Variants in EML5 observed in about 807,000 individuals in gnomAD.
EML5 encodes the protein echinoderm microtubule-associated protein-like 5.
In EML5, 120 loss-of-function variants were observed where a neutral mutation model predicts 250.0. The observed-to-expected ratio is 0.48, with a 90% CI of 0.41 to 0.56. The LOEUF is 0.56. Among genes scored for constraint, EML5 ranks in the 20% least tolerant of loss-of-function variants. The pLI, the probability that EML5 is intolerant of heterozygous loss-of-function variation, is 0.00. For synonymous variants in EML5, 771 were observed against 806.5 expected, an observed-to-expected ratio of 0.96 and a Z score of 0.75; for missense variants, 2,006 against 2,437.6, an observed-to-expected ratio of 0.82 and a Z score of 3.73.
intron 1 of EML5, among the ~76,000 whole-genome samples, chr14:88,782,253 T>C (rs188095220): frequency 6.6e-6 from 1 of 152,270 alleles, no homozygotes; most frequent in African/African-American, 2.4e-5. Flanking sequence ...GCCCTAGAGA[T>C]CTGTGGAACT....
rs768130177 is a variant in EML5 at position 88,644,527 on chromosome 14, G to T, written c.4029-16C>A. 16 of 1,612,826 alleles carry T rather than the reference G, an allele frequency of 9.9e-6. No homozygotes were observed. The highest frequency in any genetic ancestry group is 1.4e-5 in the Non-Finnish European group (16 of 1,179,200). On this transcript the variant is annotated splice_polypyrimidine_tract_variant and intron_variant, in intron 29 of 43. Transcript: ENST00000554922. ...CACTGGAGGCCTGCAACAGAGAAGT[G>T]GGGAGGAGGAAAGGCATGCAGCACT...
intron 1 of EML5, among the ~76,000 whole-genome samples, chr14:88,771,123 A>G (rs989930761): frequency 1.3e-5 from 2 of 152,204 alleles, no homozygotes; most frequent in Non-Finnish European, 2.9e-5. Context: ...GTTCCTTTAC[A>G]TTTATCTCAC....
Position 88,621,155 on chromosome 14 carries a change from A to C in EML5, c.5160T>G (p.Ala1720=), listed in dbSNP as rs2140309452. Residue 1720 remains alanine, a synonymous_variant, in exon 38 of 44, where the codon GCT becomes GCG. Transcript: ENST00000554922. Reference sequence around the variant, plus strand: ...AAAGTCTCACTGTCCCATCTTCTGCAGCAGAAAGGAAAAAATCCCTGGAAG... The same window carrying C: ...AAAGTCTCACTGTCCCATCTTCTGCCGCAGAAAGGAAAAAATCCCTGGAAG... ...THPSRDFFLS[A]AEDGTVRLWD... 1 of 1,613,930 alleles carries C rather than the reference A, an allele frequency of 6.2e-7. No individual in the cohort carries two copies. Among genetic ancestry groups the C allele is most frequent in the East Asian group, 2.2e-5 (1 of 44,876 alleles).
At chr14:88,699,069 A>G (rs1475510362) in intron 14 of EML5, among the ~76,000 whole-genome samples, 1 of 152,166 alleles carries the variant, frequency 6.6e-6, no homozygotes. Flanking sequence ...ATTGAGTACT[A>G]TTAAAGTACA....
intron 2 of EML5, among the ~76,000 whole-genome samples, chr14:88,752,804 C>A (rs2094115018): frequency 6.6e-6 from 1 of 152,080 alleles, no homozygotes; most frequent in Admixed American, 6.5e-5. Flanking sequence ...GGCGGAGGAG[C>A]AAAACAGCAC....
At chr14:88,692,367 A>G (rs1162252872) in intron 17 of EML5, among the ~76,000 whole-genome samples, 1 of 152,026 alleles carries the variant, frequency 6.6e-6, no homozygotes, top group East Asian at 1.9e-4. Flanking sequence ...ACAGAGCGAG[A>G]CTCTGTTTCA....
At chr14:88,619,588 A>C (rs1250789837) in intron 39 of EML5, 1 of 152,270 alleles carries the variant, frequency 6.6e-6, no homozygotes, top group Non-Finnish European at 1.5e-5. Flanking sequence ...TCCATCTGGA[A>C]AAAACGTTGT....
At chr14:88,654,460 G>C (rs1273244733) in intron 27 of EML5, among the ~76,000 whole-genome samples, 2 of 152,194 alleles carry the variant, frequency 1.3e-5, no homozygotes, top group Non-Finnish European at 2.9e-5. Context: ...CTGTGTCCCA[G>C]AGATTCTGGT....
intron 8 of EML5, among the ~76,000 whole-genome samples, chr14:88,725,871 T>C (rs1045573024): frequency 6.6e-6 from 1 of 152,140 alleles, no homozygotes; most frequent in African/African-American, 2.4e-5. Flanking sequence ...AACTCTTTAA[T>C]TAACTACACA....
intron 1 of EML5, among the ~76,000 whole-genome samples, chr14:88,758,615 G>A (rs1229631137): frequency 6.6e-6 from 1 of 152,178 alleles, no homozygotes; most frequent in East Asian, 1.9e-4. Context: ...AAACCGCTTG[G>A]TAGCTATTCA....
intron 14 of EML5, among the ~76,000 whole-genome samples, chr14:88,701,838 C>T (rs1423485045): frequency 1.3e-5 from 2 of 152,162 alleles, no homozygotes; most frequent in Non-Finnish European, 2.9e-5. Context: ...TAATTTTACT[C>T]TCACATGGTT....
At chr14:88,662,718 A>AT (rs970006116) in intron 24 of EML5, among the ~76,000 whole-genome samples, 4 of 150,928 alleles carry the variant, frequency 2.7e-5, no homozygotes, top group Non-Finnish European at 4.4e-5. Context: ...AATTTTTTGT[A>AT]TTTTTTTGTA....
intron 1 of EML5, among the ~76,000 whole-genome samples, chr14:88,756,916 C>T (rs1043147061): frequency 3.9e-5 from 6 of 152,156 alleles, no homozygotes; most frequent in African/African-American, 1.4e-4. Flanking sequence ...AATTGATCTA[C>T]AGAGTCAACA....
chr14:88,760,299 T>C (rs750568015), intron 1 of EML5, among the ~76,000 whole-genome samples: 1 of 152,178 alleles, frequency 6.6e-6, no homozygotes, highest in Non-Finnish European at 1.5e-5. Context: ...AAAGCTACAA[T>C]CTATTTTGAG....
At chr14:88,772,496 G>A (rs943131166) in intron 1 of EML5, among the ~76,000 whole-genome samples, 7 of 152,206 alleles carry the variant, frequency 4.6e-5, no homozygotes, top group African/African-American at 1.7e-4. Context: ...GGTAGCTCAT[G>A]CCTGTAACAG....
chr14:88,613,145 T>G lies in EML5; in HGVS notation c.*2673A>C, dbSNP rs886222420. ...AAGAATTAACCAGTCATTAAACCAT[T>G]TGGTAAGTTGCACTTTGCTGTGCTG... On this transcript the variant is annotated 3_prime_UTR_variant, in exon 44 of 44. Transcript: ENST00000554922. 6.6e-6 allele frequency: 1 copy of G among 152,202 alleles called. No homozygotes were observed. The highest frequency in any genetic ancestry group is 1.5e-5 in the Non-Finnish European group (1 of 68,042). 9.4% of individuals were successfully genotyped at this position (152,202 alleles called of 1,614,324 possible). A position where few individuals can be genotyped will look rare whatever the true frequency, so the allele number is the denominator to read the frequency against.
At chr14:88,667,158 T>G (rs1017931300) in intron 21 of EML5, among the ~76,000 whole-genome samples, 1 of 152,164 alleles carries the variant, frequency 6.6e-6, no homozygotes, top group Non-Finnish European at 1.5e-5. Flanking sequence ...TAAAGATGCC[T>G]ATGAGAAGTT....
Position 88,774,807 on chromosome 14 carries a change from A to G in EML5, c.197+17500T>C, listed in dbSNP as rs141114035. Among the ~76,000 whole-genome samples the G allele has an allele frequency of 1.1e-3, 166 of 152,318 alleles. 3 individuals carry two copies. The East Asian group carries it at 0.03, about 28-fold the overall frequency. Reference sequence around the variant, plus strand: ...GTTCATGGCTTTAAATACTGTCTATATGCTGATAACATTCAAATCTATACC... The same window carrying G: ...GTTCATGGCTTTAAATACTGTCTATGTGCTGATAACATTCAAATCTATACC... On this transcript the variant is annotated intron_variant, in intron 1 of 43. Coordinates refer to ENST00000554922, the MANE Select transcript of EML5 (RefSeq NM_183387.3).
At chr14:88,617,110 T>C in intron 41 of EML5, 1 of 388,650 alleles carries the variant, frequency 2.6e-6, no homozygotes, top group Non-Finnish European at 4.6e-6. Flanking sequence ...CTTTTTAAGA[T>C]TAAAGTAGTA....
Sources: gnomAD v4.1 joint callset for allele counts (sites outside exome capture counted in the v4.1 genomes callset) on GRCh38, gnomAD v4.1.1 for gene constraint, MANE v1.5 for transcripts, NCBI Gene and HGNC (gene_info 2026-07-23, HGNC 2026-07-21) for gene names.